PLXDC2: variants seen among roughly 807,000 people sequenced by gnomAD.
The protein encoded by PLXDC2 is plexin domain-containing protein 2.
Under a neutral mutation model 68.9 loss-of-function variants are expected in PLXDC2, and 40 were observed. That is an observed-to-expected ratio of 0.58 (90% CI 0.45 to 0.76). The LOEUF (loss-of-function observed/expected upper bound fraction) is 0.76, where lower values mean the gene tolerates loss of function less well. Ranked by LOEUF, PLXDC2 falls within the 30% of genes least tolerant of loss-of-function variation. PLXDC2 has a pLI of 0.00. For synonymous variants in PLXDC2, 243 were observed against 234.2 expected (o/e 1.04, Z -0.34); for missense variants, 644 against 661.9 (o/e 0.97, Z 0.30).
At chr10:19,958,387 A>G (rs889879597) in intron 1 of PLXDC2, among the ~76,000 whole-genome samples, 1 of 152,156 alleles carries the variant, frequency 6.6e-6, no homozygotes, top group Non-Finnish European at 1.5e-5. Flanking sequence ...TATATGCTTG[A>G]GTAAATATGT....
intron 4 of PLXDC2, among the ~76,000 whole-genome samples, chr10:20,099,171 T>C (rs1435419976): frequency 6.6e-6 from 1 of 152,120 alleles, no homozygotes; most frequent in African/African-American, 2.4e-5. Flanking sequence ...GCCAAAAGCA[T>C]TACTAACAAG....
At chr10:19,849,931 C>A (rs1477772628) in intron 1 of PLXDC2, among the ~76,000 whole-genome samples, 1 of 152,162 alleles carries the variant, frequency 6.6e-6, no homozygotes, top group Non-Finnish European at 1.5e-5. Flanking sequence ...GTCTGCTTCA[C>A]CTGTGGTGTG....
At chr10:19,842,934 T>C (rs1489080704) in intron 1 of PLXDC2, among the ~76,000 whole-genome samples, 1 of 152,220 alleles carries the variant, frequency 6.6e-6, no homozygotes, top group African/African-American at 2.4e-5. Context: ...AAAAAAGCAG[T>C]GCACAGCTAA....
intron 4 of PLXDC2, among the ~76,000 whole-genome samples, chr10:20,133,916 C>T (rs531483060): frequency 8.2e-4 from 125 of 152,232 alleles, no homozygotes; most frequent in Middle Eastern, 3.4e-3. Flanking sequence ...TGTTGTTGCT[C>T]CTCTTACCAG....
intron 13 of PLXDC2, among the ~76,000 whole-genome samples, chr10:20,251,960 A>AGAG (rs1835681430): frequency 6.6e-6 from 1 of 151,578 alleles, no homozygotes. Flanking sequence ...AAAAAAAAGT[A>AGAG]AAAACTAAGA....
At position 20,056,200 on chromosome 10, in the gene PLXDC2, T is replaced by C. The variant is rs561363087; in HGVS notation, c.471+9185T>C. On this transcript the variant is annotated intron_variant, in intron 3 of 13. Transcript: ENST00000377252. ...ATAGTTACTTATGTAGTTTAACAAA[T>C]TCTACCATTAATTCATTTTACTTGA... Among the ~76,000 whole-genome samples the C allele has an allele frequency of 4.4e-4, 67 of 152,308 alleles. 1 individual carries two copies. In the South Asian group the frequency reaches 0.013, roughly 30 times the overall value.
chr10:20,066,116 A>T (rs192155499), intron 3 of PLXDC2, among the ~76,000 whole-genome samples: 114 of 152,346 alleles, frequency 7.5e-4, no homozygotes, highest in African/African-American at 2.7e-3. Flanking sequence ...TCATGATTCC[A>T]TATCAGAGTG....
intron 1 of PLXDC2, among the ~76,000 whole-genome samples, chr10:19,953,633 G>T (rs540011793): frequency 1.6e-4 from 24 of 152,276 alleles, no homozygotes; most frequent in Non-Finnish European, 2.8e-4. Flanking sequence ...ATTTGTCTAA[G>T]ACTGGAAAGA....
At chr10:20,270,248 T>C (rs892402975) in intron 13 of PLXDC2, among the ~76,000 whole-genome samples, 2 of 151,892 alleles carry the variant, frequency 1.3e-5, no homozygotes, top group African/African-American at 4.8e-5. Context: ...AGGAAGAGGG[T>C]AGAATTTAGC....
intron 12 of PLXDC2, among the ~76,000 whole-genome samples, chr10:20,238,151 T>TATATATATGTATATACATATATATACAA (rs1267284254): frequency 2.7e-5 from 4 of 149,770 alleles, no homozygotes; most frequent in African/African-American, 4.9e-5. Context: ...AATAAATAAA[T>TATATATATGTATATACATATATATACAA]ATATATATGT....
intron 4 of PLXDC2, among the ~76,000 whole-genome samples, chr10:20,130,950 C>T (rs548120972): frequency 6.6e-6 from 1 of 152,038 alleles, no homozygotes; most frequent in East Asian, 1.9e-4. Flanking sequence ...TTTATTGTAA[C>T]GTTTTCGTCT....
intron 13 of PLXDC2, among the ~76,000 whole-genome samples, chr10:20,251,812 C>A (rs1043235446): frequency 3.3e-5 from 5 of 151,806 alleles, no homozygotes; most frequent in Admixed American, 6.6e-5. Flanking sequence ...TAAATAATTG[C>A]TAGTATTTGG....
chr10:20,251,085 T>G (rs1835669145), intron 13 of PLXDC2, among the ~76,000 whole-genome samples: 1 of 152,192 alleles, frequency 6.6e-6, no homozygotes, highest in Admixed American at 6.5e-5. Context: ...TATACAAGAT[T>G]AGGTACAAGA....
intron 1 of PLXDC2, among the ~76,000 whole-genome samples, chr10:19,819,783 A>C (rs1232559315): frequency 6.6e-6 from 1 of 152,238 alleles, no homozygotes; most frequent in East Asian, 1.9e-4. Flanking sequence ...TGTTGGAGTT[A>C]AACAATTTAC....
At chr10:19,901,556 C>A (rs562027065) in intron 1 of PLXDC2, among the ~76,000 whole-genome samples, 78 of 152,048 alleles carry the variant, frequency 5.1e-4, no homozygotes, top group African/African-American at 1.8e-3. Context: ...TGTTTGAGTT[C>A]TTTGTAGATT....
intron 5 of PLXDC2, among the ~76,000 whole-genome samples, chr10:20,146,419 TTC>T (rs1351237753): frequency 6.6e-6 from 1 of 151,082 alleles, no homozygotes; most frequent in Non-Finnish European, 1.5e-5. Context: ...TTCCTTTTCT[TTC>T]TTTCTTTCTT....
At chr10:20,172,243 A>C (rs1226694007) in intron 7 of PLXDC2, among the ~76,000 whole-genome samples, 1 of 151,080 alleles carries the variant, frequency 6.6e-6, no homozygotes. Context: ...AAAAAAAAAA[A>C]AAAAAAGAGA....
intron 12 of PLXDC2, among the ~76,000 whole-genome samples, chr10:20,219,725 T>G (rs1835185712): frequency 6.6e-6 from 1 of 152,202 alleles, no homozygotes; most frequent in Non-Finnish European, 1.5e-5. Context: ...TTTTAAACTA[T>G]GTTGGCTCAT....
intron 12 of PLXDC2, among the ~76,000 whole-genome samples, chr10:20,221,896 GA>G (rs1410962364): frequency 6.6e-6 from 1 of 152,056 alleles, no homozygotes; most frequent in East Asian, 1.9e-4. Flanking sequence ...CAGCACATTT[GA>G]TTTCTTGATT....
Sources: allele counts gnomAD v4.1 joint callset (sites outside exome capture counted in the v4.1 genomes callset), GRCh38; gene constraint gnomAD v4.1.1; transcripts MANE v1.5; gene names NCBI Gene and HGNC (gene_info 2026-07-23, HGNC 2026-07-21).